The following CELF2 variants were observed in gnomAD, a reference collection of about 807,000 sequenced individuals.
CELF2 encodes the protein CUGBP Elav-like family member 2, also known as CUG triplet repeat RNA-binding protein 2.
A neutral mutation model predicts 62.6 loss-of-function variants in CELF2; 8 were observed. That is an observed-to-expected ratio of 0.13 (90% CI 0.07 to 0.23). CELF2 has a LOEUF of 0.23. CELF2 is among the 10% of genes least tolerant of loss of function. CELF2 has a pLI of 1.00. For missense variants in CELF2, 333 were observed against 671.0 expected, an observed-to-expected ratio of 0.50 and a Z score of 5.56; for synonymous variants, 258 against 250.0, an observed-to-expected ratio of 1.03 and a Z score of -0.30.
At chr10:11,272,069 C>T (rs1189630701) in intron 7 of CELF2, among the ~76,000 whole-genome samples, 1 of 152,096 alleles carries the variant, frequency 6.6e-6, no homozygotes, top group Non-Finnish European at 1.5e-5. Flanking sequence ...TGCCCCACCC[C>T]CAGTGCCCAG....
chr10:10,658,756 G>T, the CELF2 span, among the ~76,000 whole-genome samples: 1 of 151,166 alleles, frequency 6.6e-6, no homozygotes, highest in East Asian at 2.0e-4. Flanking sequence ...TTCCTTTTTG[G>T]GTCAAGTATT....
the CELF2 span, among the ~76,000 whole-genome samples, chr10:10,486,689 C>T: frequency 6.6e-5 from 10 of 151,890 alleles, no homozygotes; most frequent in Non-Finnish European, 1.5e-4. Context: ...GTGATCAAAA[C>T]GTTTTGAACT....
In CELF2 at chr10:11,319,976, C is replaced by T. The variant is rs1440509199; in HGVS notation, c.1097-1213C>T. ...TTAGCTGTCCTCCATTCTCATTAGA[C>T]TTCTTACCTATTTTTTCAGTTAGCC... On this transcript the variant is annotated intron_variant, in intron 10 of 12. Transcript: ENST00000633077. This position sits in a 1 kb window ranked among gnomAD's most constrained non-coding sequence, Gnocchi z 4.4. 2 of 404,428 alleles carry T rather than the reference C, an allele frequency of 4.9e-6. No individual in the cohort carries two copies. Among genetic ancestry groups the T allele is most frequent in the East Asian group, 7.5e-5 (1 of 13,248 alleles). The allele number at this position is 404,428 out of a possible 1,614,324, so 25.1% of individuals were successfully genotyped here.
intron 2 of CELF2, among the ~76,000 whole-genome samples, chr10:11,180,546 G>T (rs189172755): frequency 1.3e-4 from 20 of 152,252 alleles, no homozygotes; most frequent in African/African-American, 4.8e-4. Flanking sequence ...ACATGAAGGG[G>T]GCCCTTCCAG....
rs1367553835 is a variant in CELF2 at position 11,270,335 on chromosome 10, A to G, written c.619-331A>G. 2.6e-5 allele frequency among the ~76,000 whole-genome samples: 4 copies of G among 152,322 alleles called. No individual in the cohort carries two copies. The highest frequency in any genetic ancestry group is 4.8e-5 in the African/African-American group (2 of 41,558). On this transcript the variant is annotated intron_variant, in intron 6 of 12. Coordinates refer to ENST00000633077, the MANE Select transcript of CELF2 (RefSeq NM_001326342.2). This position sits in a 1 kb window ranked among gnomAD's most constrained non-coding sequence, Gnocchi z 5.8. Reference sequence around the variant, plus strand: ...GACGAGCAGCCTGAGAAGCTCAATTAAAGAACCTTGGTAAGGTCTGTTGTC... The same window carrying G: ...GACGAGCAGCCTGAGAAGCTCAATTGAAGAACCTTGGTAAGGTCTGTTGTC...
chr10:10,586,322 T>C, the CELF2 span, among the ~76,000 whole-genome samples: 1 of 152,188 alleles, frequency 6.6e-6, no homozygotes, highest in African/African-American at 2.4e-5. Flanking sequence ...AAAAAGGCCA[T>C]GTTTGACCCT....
chr10:11,185,260 G>A (rs1253699410), intron 2 of CELF2, among the ~76,000 whole-genome samples: 2 of 151,942 alleles, frequency 1.3e-5, no homozygotes, highest in African/African-American at 4.8e-5. Context: ...CTGCAGCCTC[G>A]AACTCCTGGG....
the CELF2 span, among the ~76,000 whole-genome samples, chr10:10,766,516 T>C: frequency 6.6e-6 from 1 of 152,156 alleles, no homozygotes; most frequent in Admixed American, 6.5e-5. Flanking sequence ...GTAAGGGACC[T>C]GCCACTAGTG....
At chr10:10,682,421 CTGTGCTTCA>C in the CELF2 span, among the ~76,000 whole-genome samples, 2 of 152,128 alleles carry the variant, frequency 1.3e-5, no homozygotes, top group African/African-American at 4.8e-5. Context: ...AATTGGAGGA[CTGTGCTTCA>C]TTACTTCTAT....
intron 9 of CELF2, among the ~76,000 whole-genome samples, chr10:11,298,128 A>G (rs2093373586): frequency 6.6e-6 from 1 of 152,262 alleles, no homozygotes; most frequent in African/African-American, 2.4e-5. Context: ...GGAATAGGCC[A>G]ATGAGAGCTG....
chr10:11,239,531 G>A (rs947430133), intron 3 of CELF2, among the ~76,000 whole-genome samples: 21 of 152,162 alleles, frequency 1.4e-4, no homozygotes, highest in African/African-American at 5.1e-4. Context: ...GGATGATGAT[G>A]ACAACTGTAG....
At chr10:11,081,910 T>G (rs1298605227) in intron 1 of CELF2, among the ~76,000 whole-genome samples, 1 of 152,226 alleles carries the variant, frequency 6.6e-6, no homozygotes, top group Non-Finnish European at 1.5e-5. Context: ...TTCCATGCAT[T>G]TTTAACTCAT....
chr10:11,025,625 C>A (rs1365102980), intron 1 of CELF2, among the ~76,000 whole-genome samples: 1 of 152,156 alleles, frequency 6.6e-6, no homozygotes, highest in Non-Finnish European at 1.5e-5. Flanking sequence ...TCAGGCAGTT[C>A]TTTATAGCAG....
At chr10:10,668,303 C>T in the CELF2 span, among the ~76,000 whole-genome samples, 5 of 152,324 alleles carry the variant, frequency 3.3e-5, no homozygotes, top group South Asian at 2.1e-4. Context: ...CACTGCTCTG[C>T]GTTCCCAACC....
intron 3 of CELF2, among the ~76,000 whole-genome samples, chr10:11,232,599 C>T (rs1048007680): frequency 2.6e-5 from 4 of 152,084 alleles, no homozygotes; most frequent in Non-Finnish European, 5.9e-5. Flanking sequence ...TGTTTGAGTT[C>T]TTGGGGTGAT....
intron 8 of CELF2, among the ~76,000 whole-genome samples, chr10:11,279,682 G>C (rs1329259475): frequency 6.6e-6 from 1 of 152,152 alleles, no homozygotes; most frequent in Non-Finnish European, 1.5e-5. Flanking sequence ...TGAACAATAA[G>C]ACACAAAATT....
chr10:10,578,986 C>T, the CELF2 span, among the ~76,000 whole-genome samples: 1 of 152,192 alleles, frequency 6.6e-6, no homozygotes, highest in Non-Finnish European at 1.5e-5. Flanking sequence ...GACATAGGAA[C>T]TCTATTTCCT....
chr10:10,910,681 C>T (rs2063727101), intron 1 of CELF2, among the ~76,000 whole-genome samples: 1 of 109,154 alleles, frequency 9.2e-6, no homozygotes, highest in South Asian at 3.1e-4. Flanking sequence ...ACCTGGACTA[C>T]AGAGTGAGAC....
intron 2 of CELF2, among the ~76,000 whole-genome samples, chr10:11,186,549 C>T (rs670303): frequency 0.48 from 73,243 of 151,942 alleles, 18,791 homozygotes; most frequent in East Asian, 0.83. Flanking sequence ...GAAAATACTT[C>T]CTAATTTCTC....
Sources: gnomAD v4.1 joint callset for allele counts (sites outside exome capture counted in the v4.1 genomes callset) on GRCh38, gnomAD v4.1.1 for gene constraint, Gnocchi (gnomAD v3.1) non-coding constraint, MANE v1.5 for transcripts, NCBI Gene and HGNC (gene_info 2026-07-23, HGNC 2026-07-21) for gene names.